Variants in OPRM1 observed in about 807,000 individuals in gnomAD.
OPRM1 encodes opioid receptor mu 1.
A neutral mutation model predicts 31.8 loss-of-function variants in OPRM1; 27 were observed. The ratio of observed to expected loss-of-function variants is 0.85; its 90% CI spans 0.63 to 1.17. OPRM1 has a LOEUF of 1.17. Among genes scored for constraint, OPRM1 ranks in the 50% most tolerant of loss-of-function variants. OPRM1 has a pLI of 0.00. For synonymous variants in OPRM1, 196 were observed against 189.9 expected, an observed-to-expected ratio of 1.03 and a Z score of -0.26; for missense variants, 536 against 511.1, an observed-to-expected ratio of 1.05 and a Z score of -0.47.
chr6:154,074,622 TG>T (rs1385564818), intron 1 of OPRM1, among the ~76,000 whole-genome samples: 1 of 151,986 alleles, frequency 6.6e-6, no homozygotes, highest in Non-Finnish European at 1.5e-5. Context: ...TAGCCAGGCG[TG>T]GTGGTACACT....
chr6:154,194,422 C>T (rs1465750071), intron 3 of OPRM1, among the ~76,000 whole-genome samples: 1 of 152,036 alleles, frequency 6.6e-6, no homozygotes, highest in African/African-American at 2.4e-5. Context: ...ATCCTCACCT[C>T]TAAATTTATT....
chr6:154,158,104 T>TTTG (rs1798787235), intron 3 of OPRM1: 1 of 152,276 alleles, frequency 6.6e-6, no homozygotes, highest in Non-Finnish European at 1.5e-5. Context: ...TGTTTGTTTG[T>TTTG]TTACAGAGTA....
At chr6:154,031,114 T>A (rs1036854282) in intron 1 of OPRM1, among the ~76,000 whole-genome samples, 1 of 152,204 alleles carries the variant, frequency 6.6e-6, no homozygotes, top group African/African-American at 2.4e-5. Context: ...TAGTTTAATC[T>A]CATCAAAAGC....
At chr6:154,090,911 A>C in intron 2 of OPRM1, 41 bp from the exon 3 acceptor site, 1 of 1,568,486 alleles carries the variant, frequency 6.4e-7, no homozygotes. Flanking sequence ...GACATAATTA[A>C]ATGTTGCTGC....
upstream of OPRM1, among the ~76,000 whole-genome samples, chr6:154,035,267 G>A (rs2128390025): frequency 6.6e-6 from 1 of 152,028 alleles, no homozygotes; most frequent in Admixed American, 6.6e-5. Flanking sequence ...TTTGTTTTAG[G>A]TTTATTGGGT....
chr6:154,114,422 A>G (rs1401843764), intron 3 of OPRM1, among the ~76,000 whole-genome samples: 6 of 151,922 alleles, frequency 3.9e-5, no homozygotes, highest in Admixed American at 1.3e-4. Context: ...AGTAAGCCCA[A>G]TTTCTCTGCA....
At chr6:154,239,254 T>C (rs543706894) in intron 3 of OPRM1, among the ~76,000 whole-genome samples, 2 of 152,344 alleles carry the variant, frequency 1.3e-5, no homozygotes, top group East Asian at 3.9e-4. Context: ...TATTGAGAAC[T>C]GCCCATCCCA....
At chr6:154,228,993 G>A (rs1289011478) in intron 3 of OPRM1, among the ~76,000 whole-genome samples, 9 of 152,202 alleles carry the variant, frequency 5.9e-5, no homozygotes, top group African/African-American at 4.8e-5. Context: ...CATTCCCCTA[G>A]ATAAGTTTCC....
chr6:154,030,156 G>C (rs1778928252), intron 1 of OPRM1, among the ~76,000 whole-genome samples: 1 of 144,084 alleles, frequency 6.9e-6, no homozygotes, highest in Admixed American at 6.7e-5. Flanking sequence ...TTAAAAATTA[G>C]TAGAATACCT....
At chr6:154,056,269 G>GCTCAC (rs1454381898) in intron 1 of OPRM1, among the ~76,000 whole-genome samples, 3 of 151,888 alleles carry the variant, frequency 2.0e-5, no homozygotes, top group Admixed American at 2.0e-4. Flanking sequence ...GACTACAGGT[G>GCTCAC]CTCACCACCA....
At chr6:154,047,983 T>C (rs969941819) in intron 1 of OPRM1, among the ~76,000 whole-genome samples, 1 of 152,176 alleles carries the variant, frequency 6.6e-6, no homozygotes, top group African/African-American at 2.4e-5. Context: ...GGAAGCTCTC[T>C]AGGGCCTCTT....
At chr6:154,161,361 C>T (rs751619393) in intron 3 of OPRM1, among the ~76,000 whole-genome samples, 6 of 152,030 alleles carry the variant, frequency 3.9e-5, no homozygotes, top group Non-Finnish European at 7.4e-5. Flanking sequence ...CAGGCATGCA[C>T]CACCATGCCT....
chr6:154,175,600 C>T (rs1205176987), intron 3 of OPRM1, among the ~76,000 whole-genome samples: 1 of 152,138 alleles, frequency 6.6e-6, no homozygotes. Context: ...TGGACACATA[C>T]ACCCTCCCAA....
At chr6:154,115,817 T>C (rs1327643293) in intron 3 of OPRM1, among the ~76,000 whole-genome samples, 1 of 152,202 alleles carries the variant, frequency 6.6e-6, no homozygotes, top group Non-Finnish European at 1.5e-5. Flanking sequence ...AACATAGAGT[T>C]TCATCTGTGT....
chr6:154,017,138 C>CT (rs1778052967), intron 1 of OPRM1, among the ~76,000 whole-genome samples: 1 of 152,258 alleles, frequency 6.6e-6, no homozygotes, highest in African/African-American at 2.4e-5. Flanking sequence ...CTCTCCCTCT[C>CT]TCTTCCTCTT....
At chr6:154,104,513 A>G (rs1201005529) in intron 3 of OPRM1, among the ~76,000 whole-genome samples, 3 of 152,194 alleles carry the variant, frequency 2.0e-5, no homozygotes, top group Non-Finnish European at 4.4e-5. Flanking sequence ...GTTTCTTCTA[A>G]GCAGCAGTCA....
chr6:154,215,585 A>G (rs189743801), intron 3 of OPRM1, among the ~76,000 whole-genome samples: 38 of 152,280 alleles, frequency 2.5e-4, no homozygotes, highest in African/African-American at 7.9e-4. Context: ...CAGCCTGGGC[A>G]ACAAGAGCGA....
At position 154,090,875 on chromosome 6, in the gene OPRM1, G is replaced by A. The variant is rs1191593835; in HGVS notation, c.644-77G>A. ...TCTGGTCAAGGCTAAAAATGAATGA[G>A]CAAAATGGCAGTATTAACACCTTAT... On this transcript the variant is annotated intron_variant, in intron 2 of 3. Coordinates refer to ENST00000330432, the MANE Select transcript of OPRM1 (RefSeq NM_000914.5). 4.5e-6 allele frequency: 6 copies of A among 1,322,996 alleles called. No homozygotes were observed. The East Asian group carries it at 7.0e-5, about 15-fold the overall frequency. The allele number at this position is 1,322,996 out of a possible 1,614,324, so 82.0% of individuals were successfully genotyped here.
chr6:154,245,598 T>C (rs1780967040), intron 3 of OPRM1, among the ~76,000 whole-genome samples: 1 of 152,258 alleles, frequency 6.6e-6, no homozygotes, highest in Admixed American at 6.5e-5. Context: ...GTTGCTTGAA[T>C]GACATGCATG....
Sources: gnomAD v4.1 joint callset for allele counts (sites outside exome capture counted in the v4.1 genomes callset) on GRCh38, gnomAD v4.1.1 for gene constraint, MANE v1.5 for transcripts, NCBI Gene and HGNC (gene_info 2026-07-23, HGNC 2026-07-21) for gene names.